Variants in XKR4 observed in about 807,000 individuals in gnomAD.
XKR4 encodes XK related 4.
In XKR4, 12 loss-of-function variants were observed where a neutral mutation model predicts 53.9. That is an observed-to-expected ratio of 0.22 (90% CI 0.14 to 0.36). The LOEUF is 0.36. XKR4 is among the 10% of genes least tolerant of loss of function. The pLI is 1.00. For synonymous variants in XKR4, 354 were observed against 362.4 expected (o/e 0.98, Z 0.26); for missense variants, 799 against 859.5 (o/e 0.93, Z 0.88).
chr8:55,338,082 A>G (rs560549624), intron 1 of XKR4, among the ~76,000 whole-genome samples: 2 of 152,346 alleles, frequency 1.3e-5, no homozygotes, highest in Non-Finnish European at 2.9e-5. Context: ...TAAGAAAAAA[A>G]TGTAAAACTT....
intron 1 of XKR4, among the ~76,000 whole-genome samples, chr8:55,321,844 C>A (rs975102768): frequency 6.6e-6 from 1 of 152,106 alleles, no homozygotes; most frequent in African/African-American, 2.4e-5. Context: ...CAAAAGTTAG[C>A]TGGGCGTGGT....
chr8:55,444,891 T>C (rs1805322863), intron 2 of XKR4, among the ~76,000 whole-genome samples: 1 of 152,200 alleles, frequency 6.6e-6, no homozygotes, highest in African/African-American at 2.4e-5. Flanking sequence ...AGATGATTCA[T>C]AGCAGCATTA....
At chr8:55,500,662 T>C (rs1209172002) in intron 2 of XKR4, among the ~76,000 whole-genome samples, 3 of 152,156 alleles carry the variant, frequency 2.0e-5, no homozygotes, top group South Asian at 2.1e-4. Flanking sequence ...TGATCACTTA[T>C]GGGGGCAAAG....
intron 2 of XKR4, among the ~76,000 whole-genome samples, chr8:55,462,476 A>G (rs1242294999): frequency 6.6e-6 from 1 of 152,216 alleles, no homozygotes; most frequent in Non-Finnish European, 1.5e-5. Context: ...TGAAGGAAGC[A>G]TTAAACATGG....
chr8:55,135,421 T>C, intron 1 of XKR4: 2 of 327,472 alleles, frequency 6.1e-6, no homozygotes, highest in South Asian at 4.9e-5. Context: ...ATTTGTTGGA[T>C]GTTGTATGAA....
At chr8:55,236,961 C>T (rs954291910) in intron 1 of XKR4, among the ~76,000 whole-genome samples, 1 of 152,210 alleles carries the variant, frequency 6.6e-6, no homozygotes, top group African/African-American at 2.4e-5. Flanking sequence ...TTCTGGCAAG[C>T]TATCATCTAT....
At chr8:55,258,076 G>A (rs1818466529) in intron 1 of XKR4, among the ~76,000 whole-genome samples, 1 of 152,160 alleles carries the variant, frequency 6.6e-6, no homozygotes, top group African/African-American at 2.4e-5. Flanking sequence ...TCTCAGTTAT[G>A]TTACTGAAAA....
intron 1 of XKR4, among the ~76,000 whole-genome samples, chr8:55,249,389 A>ACAAGGTCAATATAGTTG (rs1170724170): frequency 7.9e-5 from 12 of 152,158 alleles, no homozygotes; most frequent in African/African-American, 1.9e-4. Flanking sequence ...TACTCAAGTT[A>ACAAGGTCAATATAGTTG]CAAGGTCAAT....
chr8:55,316,323 T>C (rs573755350), intron 1 of XKR4, among the ~76,000 whole-genome samples: 2 of 152,290 alleles, frequency 1.3e-5, no homozygotes, highest in Admixed American at 6.5e-5. Flanking sequence ...TCACATCCGA[T>C]CTCCAGCCTC....
intron 1 of XKR4, among the ~76,000 whole-genome samples, chr8:55,197,986 A>T (rs1817527581): frequency 6.6e-6 from 1 of 152,216 alleles, no homozygotes; most frequent in South Asian, 2.1e-4. Flanking sequence ...AAATGCCCAG[A>T]CTGAAGGCCT....
chr8:55,434,293 C>T lies in XKR4; in HGVS notation c.1006+76416C>T, dbSNP rs191120868. 5.9e-5 allele frequency among the ~76,000 whole-genome samples: 9 copies of T among 152,120 alleles called. No homozygotes were observed. In the East Asian group the frequency reaches 1.2e-3, roughly 20 times the overall value. On this transcript the variant is annotated intron_variant, in intron 2 of 2. Coordinates refer to ENST00000327381, the MANE Select transcript of XKR4 (RefSeq NM_052898.2). ...GGAGTCTTTGTAGTTTAACCTTATT[C>T]GTAGATTTGAATTAGTCTTACCAAA...
At chr8:55,514,199 G>A (rs1806675658) in intron 2 of XKR4, among the ~76,000 whole-genome samples, 1 of 151,034 alleles carries the variant, frequency 6.6e-6, no homozygotes, top group Non-Finnish European at 1.5e-5. Context: ...AGAAATAAAT[G>A]AGAAAAAGTC....
chr8:55,380,853 A>T (rs998915677), intron 2 of XKR4, among the ~76,000 whole-genome samples: 1 of 152,256 alleles, frequency 6.6e-6, no homozygotes, highest in African/African-American at 2.4e-5. Context: ...CCAAACACTG[A>T]AAAGGTGATG....
intron 1 of XKR4, among the ~76,000 whole-genome samples, chr8:55,238,704 G>A (rs1357900830): frequency 6.6e-6 from 1 of 152,174 alleles, no homozygotes; most frequent in Non-Finnish European, 1.5e-5. Context: ...AGGAGGAAGT[G>A]CAGTTCTGTT....
intron 2 of XKR4, among the ~76,000 whole-genome samples, chr8:55,414,476 G>A (rs55883833): frequency 0.12 from 17,846 of 149,890 alleles, 2,778 homozygotes; most frequent in African/African-American, 0.36. Flanking sequence ...AATAGATTAT[G>A]AATTGTATAT....
intron 1 of XKR4, among the ~76,000 whole-genome samples, chr8:55,309,510 A>G (rs2129378064): frequency 6.6e-6 from 1 of 152,360 alleles, no homozygotes; most frequent in Non-Finnish European, 1.5e-5. Flanking sequence ...ATAGTGGTGT[A>G]TACGTGAACA....
chr8:55,164,934 T>C (rs1337191198), intron 1 of XKR4, among the ~76,000 whole-genome samples: 5 of 152,176 alleles, frequency 3.3e-5, no homozygotes, highest in Admixed American at 3.3e-4. Context: ...CCATGTCCTA[T>C]AGACCCTGTG....
intron 2 of XKR4, among the ~76,000 whole-genome samples, chr8:55,488,937 CAAA>C (rs1178202704): frequency 4.4e-3 from 4 of 916 alleles, no homozygotes; most frequent in Non-Finnish European, 7.0e-3. Flanking sequence ...GACTCCGTTT[CAAA>C]AAAAAAAAAA....
intron 2 of XKR4, chr8:55,453,052 A>G (rs76089029): frequency 0.012 from 7,477 of 598,226 alleles, 64 homozygotes; most frequent in Non-Finnish European, 0.017. Flanking sequence ...TGCCTCCCCA[A>G]CCTCCTGGGC....
Sources: allele counts gnomAD v4.1 joint callset (sites outside exome capture counted in the v4.1 genomes callset), GRCh38; gene constraint gnomAD v4.1.1; transcripts MANE v1.5; gene names NCBI Gene and HGNC (gene_info 2026-07-23, HGNC 2026-07-21).